The following CLSTN2 variants were observed in gnomAD, a reference collection of about 807,000 sequenced individuals.
The protein encoded by CLSTN2 is calsyntenin-2.
A neutral mutation model predicts 101.2 loss-of-function variants in CLSTN2; 48 were observed. The observed-to-expected ratio is 0.47, with a 90% CI of 0.38 to 0.60. CLSTN2 has a LOEUF of 0.60. CLSTN2 is among the 20% of genes least tolerant of loss of function. The pLI, the probability that CLSTN2 is intolerant of heterozygous loss-of-function variation, is 0.00. For synonymous variants in CLSTN2, 481 were observed against 463.6 expected, an observed-to-expected ratio of 1.04 and a Z score of -0.48; for missense variants, 1,160 against 1,238.2, an observed-to-expected ratio of 0.94 and a Z score of 0.95.
intron 8 of CLSTN2, among the ~76,000 whole-genome samples, chr3:140,530,508 A>T (rs764583058): frequency 1.3e-5 from 2 of 152,240 alleles, no homozygotes; most frequent in Admixed American, 1.3e-4. Context: ...TTGAGAGGGG[A>T]TGCTGCTACT....
At chr3:140,280,525 G>A (rs974250439) in intron 2 of CLSTN2, among the ~76,000 whole-genome samples, 2 of 152,114 alleles carry the variant, frequency 1.3e-5, no homozygotes, top group African/African-American at 4.8e-5. Context: ...GAAAGCAATT[G>A]GGAAGCAGCT....
At chr3:140,389,911 A>G (rs1023088535) in intron 2 of CLSTN2, among the ~76,000 whole-genome samples, 2 of 152,118 alleles carry the variant, frequency 1.3e-5, no homozygotes, top group Non-Finnish European at 1.5e-5. Flanking sequence ...TTACTTTGAT[A>G]TCTGTGACAG....
At chr3:140,229,444 C>T (rs1018355860) in intron 2 of CLSTN2, among the ~76,000 whole-genome samples, 1 of 152,006 alleles carries the variant, frequency 6.6e-6, no homozygotes, top group Non-Finnish European at 1.5e-5. Flanking sequence ...CGCCACATTC[C>T]CACATTTCTG....
intron 1 of CLSTN2, among the ~76,000 whole-genome samples, chr3:140,011,898 C>A (rs2007082207): frequency 6.6e-6 from 1 of 151,822 alleles, no homozygotes; most frequent in Non-Finnish European, 1.5e-5. Context: ...ATCTGGGGTG[C>A]CGAATGGTCC....
At chr3:140,155,876 G>C (rs573265531) in intron 1 of CLSTN2, among the ~76,000 whole-genome samples, 2 of 152,172 alleles carry the variant, frequency 1.3e-5, no homozygotes, top group Non-Finnish European at 2.9e-5. Flanking sequence ...CATCTGCTTT[G>C]AAAACCATTT....
At chr3:140,545,137 G>A (rs1198736839) in intron 9 of CLSTN2, among the ~76,000 whole-genome samples, 1 of 152,144 alleles carries the variant, frequency 6.6e-6, no homozygotes, top group Non-Finnish European at 1.5e-5. Context: ...GGCTGAGGTA[G>A]AGCACCCCAG....
At chr3:140,392,391 C>T (rs2088125325) in intron 2 of CLSTN2, among the ~76,000 whole-genome samples, 1 of 151,896 alleles carries the variant, frequency 6.6e-6, no homozygotes, top group Admixed American at 6.6e-5. Flanking sequence ...CAGTCTAAGA[C>T]ATCTCAAATA....
At chr3:140,140,217 G>C (rs1240583823) in intron 1 of CLSTN2, among the ~76,000 whole-genome samples, 2 of 152,136 alleles carry the variant, frequency 1.3e-5, no homozygotes, top group East Asian at 3.8e-4. Context: ...TGTTGTGTTA[G>C]CTTATTTGCA....
At chr3:140,426,179 A>C (rs1251281118) in intron 5 of CLSTN2, among the ~76,000 whole-genome samples, 1 of 152,122 alleles carries the variant, frequency 6.6e-6, no homozygotes, top group Non-Finnish European at 1.5e-5. Context: ...GGTTTGTTAC[A>C]TAGGTAAATG....
At chr3:140,287,351 A>T (rs1315441841) in intron 2 of CLSTN2, among the ~76,000 whole-genome samples, 3 of 152,188 alleles carry the variant, frequency 2.0e-5, no homozygotes, top group Non-Finnish European at 2.9e-5. Flanking sequence ...GACAGAAAGC[A>T]GCAGATCAGT....
intron 8 of CLSTN2, among the ~76,000 whole-genome samples, chr3:140,480,398 A>C (rs564366771): frequency 1.4e-4 from 22 of 152,308 alleles, no homozygotes; most frequent in South Asian, 8.3e-4. Flanking sequence ...TAGTGCCGCA[A>C]TAAACATACA....
chr3:140,429,011 G>A (rs2088601387), intron 5 of CLSTN2, among the ~76,000 whole-genome samples: 2 of 152,152 alleles, frequency 1.3e-5, no homozygotes, highest in African/African-American at 4.8e-5. Context: ...CTAAGACCAT[G>A]CGGAAAATAC....
chr3:140,333,373 A>G (rs1323970504), intron 2 of CLSTN2, among the ~76,000 whole-genome samples: 1 of 152,176 alleles, frequency 6.6e-6, no homozygotes, highest in African/African-American at 2.4e-5. Flanking sequence ...TCTCTGTAAA[A>G]GGGATGAGTG....
intron 2 of CLSTN2, among the ~76,000 whole-genome samples, chr3:140,402,858 C>G (rs2088258834): frequency 6.6e-6 from 1 of 152,186 alleles, no homozygotes; most frequent in Non-Finnish European, 1.5e-5. Flanking sequence ...ATCTAGGCCT[C>G]TGGGCTCTTG....
intron 1 of CLSTN2, among the ~76,000 whole-genome samples, chr3:140,054,656 G>A (rs1342347397): frequency 1.3e-5 from 2 of 152,182 alleles, no homozygotes; most frequent in Admixed American, 6.5e-5. Flanking sequence ...TTGACTAATA[G>A]AATGCAGTGG....
intron 2 of CLSTN2, among the ~76,000 whole-genome samples, chr3:140,354,556 C>G (rs1415974464): frequency 1.3e-5 from 2 of 152,138 alleles, no homozygotes; most frequent in African/African-American, 2.4e-5. Flanking sequence ...TTTACAAAAT[C>G]CTCCCCAACT....
intron 2 of CLSTN2, among the ~76,000 whole-genome samples, chr3:140,240,739 G>C (rs1189518497): frequency 6.6e-6 from 1 of 152,174 alleles, no homozygotes; most frequent in Non-Finnish European, 1.5e-5. Context: ...AGGAGGAAGA[G>C]AGACCAGAAC....
intron 2 of CLSTN2, among the ~76,000 whole-genome samples, chr3:140,401,415 G>A (rs1018889862): frequency 2.6e-5 from 4 of 152,118 alleles, no homozygotes; most frequent in Non-Finnish European, 2.9e-5. Context: ...CTTAGCCCTC[G>A]GAAAAATTAG....
At chr3:140,284,804 A>G (rs372888216) in intron 2 of CLSTN2, among the ~76,000 whole-genome samples, 148 of 152,110 alleles carry the variant, frequency 9.7e-4, no homozygotes, top group Middle Eastern at 3.4e-3. Context: ...TTGTTCTGAC[A>G]CTACAGACCA....
Sources: gnomAD v4.1 joint callset for allele counts (sites outside exome capture counted in the v4.1 genomes callset) on GRCh38, gnomAD v4.1.1 for gene constraint, MANE v1.5 for transcripts, NCBI Gene and HGNC (gene_info 2026-07-23, HGNC 2026-07-21) for gene names.